The following LPCAT4 variants were observed in gnomAD, a reference collection of about 807,000 sequenced individuals.
LPCAT4 encodes the protein lysophosphatidylcholine acyltransferase 4.
In LPCAT4, 30 loss-of-function variants were observed where a neutral mutation model predicts 66.5. That is an observed-to-expected ratio of 0.45 (90% CI 0.34 to 0.61). The LOEUF (loss-of-function observed/expected upper bound fraction) is 0.61. Ranked by LOEUF, LPCAT4 falls within the 20% of genes least tolerant of loss-of-function variation. The pLI, the probability that LPCAT4 is intolerant of heterozygous loss-of-function variation, is 0.01. For synonymous variants in LPCAT4, 253 were observed against 262.1 expected, an observed-to-expected ratio of 0.97 and a Z score of 0.34; for missense variants, 557 against 656.7, an observed-to-expected ratio of 0.85 and a Z score of 1.66.
chr15:34,358,831 A>T lies in LPCAT4; in HGVS notation c.*296T>A, dbSNP rs1227620804. The stretch of plus-strand genomic sequence containing the variant: ...TATGGCCAAGAGGACGAACCTTGGA[A>T]ACATTTGTGATTTTCCAACGGGCGT... On this transcript the variant is annotated 3_prime_UTR_variant, in exon 14 of 14. Coordinates refer to ENST00000314891, the MANE Select transcript of LPCAT4 (RefSeq NM_153613.3). 1 of 158,146 alleles carries T rather than the reference A, an allele frequency of 6.3e-6. No individual in the cohort carries two copies. The highest frequency in any genetic ancestry group is 2.4e-5 in the African/African-American group (1 of 41,590). The allele number at this position is 158,146 out of a possible 1,614,324, so 9.8% of individuals were successfully genotyped here.
At position 34,359,715 on chromosome 15, in the gene LPCAT4, T is replaced by C; in HGVS notation, c.1273A>G (p.Asn425Asp). The C allele has an allele frequency of 6.2e-7, 1 of 1,613,556 alleles. No homozygotes were observed. The highest frequency in any genetic ancestry group is 1.1e-5 in the South Asian group (1 of 90,972). Reference sequence around the variant, plus strand: ...AAGCCGTCTTTGTACAGCAGGCGGTTGGGACCCTCTGCTTGCTCTTCAGCA... The same window carrying C: ...AAGCCGTCTTTGTACAGCAGGCGGTCGGGACCCTCTGCTTGCTCTTCAGCA... ...LFAEEQAEGP[N>D]RLLYKDGFST... is the part of the protein sequence containing the mutation. Residue 425 changes from asparagine (N) to aspartate (D), a missense_variant, in exon 13 of 14, where the codon AAC becomes GAC. By Grantham distance (23) the Asn-to-Asp change is conservative. Transcript: ENST00000314891.
chr15:34,364,847 C>G (rs1320030330), intron 3 of LPCAT4, 161 bp downstream of exon 3: 5 of 633,362 alleles, frequency 7.9e-6, no homozygotes, highest in African/African-American at 7.4e-5. Context: ...TGTCCCAGCC[C>G]TCAGAATCTA....
chr15:34,362,142 C>T (rs1281486437), intron 10 of LPCAT4, 54 bp downstream of exon 10: 3 of 1,523,604 alleles, frequency 2.0e-6, no homozygotes, highest in Non-Finnish European at 2.7e-6. Context: ...TTCTTATTCT[C>T]TCTCTCTCTC....
chr15:34,361,988 C>G (rs892938214), intron 10 of LPCAT4, among the ~76,000 whole-genome samples: 2 of 152,186 alleles, frequency 1.3e-5, no homozygotes, highest in African/African-American at 4.8e-5. Context: ...TGTGAGCCAC[C>G]GTGCCCGGCC....
In LPCAT4 at chr15:34,365,695, G is replaced by C. The variant is rs1891060206; in HGVS notation, c.121C>G (p.Leu41Val). 3 of 1,613,752 alleles carry C rather than the reference G, an allele frequency of 1.9e-6. No homozygotes were observed. The highest frequency in any genetic ancestry group is 1.7e-4 in the Middle Eastern group (1 of 5,824). The change falls in exon 2 of 14, where the codon CTC becomes GTC. Residue 41 changes from leucine to valine, a missense_variant. Around this residue, in one of 4 missense-constraint regions of LPCAT4, gnomAD observed 94 missense variants for 71.5 expected, o/e 1.32. Transcript: ENST00000314891. Reference protein sequence around the residue: ...LSRLQRVKFCLLGALLAPIRV... With the variant: ...LSRLQRVKFCVLGALLAPIRV... The stretch of plus-strand genomic sequence containing the variant: ...ATGGGGGCCAGCAATGCCCCCAGGA[G>C]GCAGAACTGCAAAGGGTGGGAGAGA...
intron 1 of LPCAT4, 156 bp downstream of exon 1, chr15:34,366,831 G>C: frequency 1.8e-6 from 2 of 1,127,710 alleles, no homozygotes; most frequent in South Asian, 2.9e-5. Context: ...TTGCCCAACC[G>C]CGGCCGCCCC....
intron 11 of LPCAT4, 74 bp from the exon 12 acceptor site, chr15:34,360,283 C>T (rs1890912903): frequency 1.7e-6 from 2 of 1,156,684 alleles, no homozygotes. Context: ...TTTGACTCCT[C>T]CCTCTTCTCA....
chr15:34,359,021 A>C lies in LPCAT4; in HGVS notation c.*106T>G, dbSNP rs1890876347. The C allele has an allele frequency of 1.1e-6, 1 of 939,496 alleles. No homozygotes were observed. Among genetic ancestry groups the C allele is most frequent in the East Asian group, 3.2e-5 (1 of 31,530 alleles). 58.2% of individuals were successfully genotyped at this position (939,496 alleles called of 1,614,324 possible). A position where few individuals can be genotyped will look rare whatever the true frequency, so the allele number is the denominator to read the frequency against. ...ATTAAAATCAACTTAAAAAAACAAC[A>C]ACCAAACAACAATAACAAAATTCAA... On this transcript the variant is annotated 3_prime_UTR_variant, in exon 14 of 14. Transcript: ENST00000314891.
chr15:34,362,599 G>A lies in LPCAT4; in HGVS notation c.858C>T (p.Ala286=). ...PEESRDPTLY[A]NNVQRVMAQA... ...GTGCCATGACCCTCTGAACATTGTT[G>A]GCATAGAGGGTGGGGTCCCTGCTCT... The change falls in exon 9 of 14, where the codon GCC becomes GCT. Residue 286 remains alanine, a synonymous_variant. Transcript: ENST00000314891. 1.3e-6 allele frequency: 2 copies of A among 1,563,172 alleles called. No individual in the cohort carries two copies. Among genetic ancestry groups the A allele is most frequent in the Non-Finnish European group, 1.7e-6 (2 of 1,154,258 alleles).
In LPCAT4 at chr15:34,363,736, C is replaced by A. The variant is rs746173497; in HGVS notation, c.653-17G>T. Reference sequence around the variant, plus strand: ...TGAAGGCTCCTAAATCCCATTTCCACCCCCACCCCCACAAGGCAGAGGTTA... The same window carrying A: ...TGAAGGCTCCTAAATCCCATTTCCAACCCCACCCCCACAAGGCAGAGGTTA... On this transcript the variant is annotated splice_polypyrimidine_tract_variant and intron_variant, in intron 5 of 13. Transcript: ENST00000314891. This position sits in a 1 kb window ranked among gnomAD's most constrained non-coding sequence, Gnocchi z 4.3. 1 of 1,613,856 alleles carries A rather than the reference C, an allele frequency of 6.2e-7. No individual in the cohort carries two copies. Among genetic ancestry groups the A allele is most frequent in the Admixed American group, 1.7e-5 (1 of 60,014 alleles).
chr15:34,361,984 C>A (rs1890955700), intron 10 of LPCAT4, among the ~76,000 whole-genome samples: 1 of 152,208 alleles, frequency 6.6e-6, no homozygotes, highest in Admixed American at 6.5e-5. Flanking sequence ...CAGGTGTGAG[C>A]CACCGTGCCC....
At chr15:34,365,474 GCT>G (rs1891054698) in intron 2 of LPCAT4, 83 bp downstream of exon 2, 16 of 1,560,462 alleles carry the variant, frequency 1.0e-5, no homozygotes, top group Non-Finnish European at 1.4e-5. Context: ...GTTTCAGAAT[GCT>G]CTCTTTTCTT....
In LPCAT4 at chr15:34,363,767, C is replaced by G; in HGVS notation, c.653-48G>C. On this transcript the variant is annotated intron_variant, in intron 5 of 13. Transcript: ENST00000314891. The surrounding 1 kb of genome is among the most constrained non-coding windows in gnomAD (Gnocchi z 4.3). ...CCCCCACAAGGCAGAGGTTAGTACACAGAAGTAGCTAGAGGGCATGAGGTA... is the reference window on the plus strand; with the variant it reads ...CCCCCACAAGGCAGAGGTTAGTACAGAGAAGTAGCTAGAGGGCATGAGGTA... 6.2e-7 allele frequency: 1 copy of G among 1,605,896 alleles called. No homozygotes were observed. The highest frequency in any genetic ancestry group is 1.7e-5 in the Admixed American group (1 of 59,992).
chr15:34,359,615 G>C lies in LPCAT4; in HGVS notation c.1373C>G (p.Ala458Gly). 6.2e-7 allele frequency: 1 copy of C among 1,612,930 alleles called. No individual in the cohort carries two copies. The highest frequency in any genetic ancestry group is 8.5e-7 in the Non-Finnish European group (1 of 1,179,990). Residue 458 changes from alanine to glycine, a missense_variant, in exon 13 of 14, where the codon GCA (alanine) becomes GGA (glycine). Physicochemically the swap from Ala to Gly is moderately conservative, Grantham distance 60. Coordinates refer to ENST00000314891, the MANE Select transcript of LPCAT4 (RefSeq NM_153613.3). Reference sequence around the variant, plus strand: ...GAGGGAGAGGCCTTGGCTGGATCCTGCCTGGCACAGCTCAGCATGCAAAGC... The same window carrying C: ...GAGGGAGAGGCCTTGGCTGGATCCTCCCTGGCACAGCTCAGCATGCAAAGC... ...ATALHAELCQ[A>G]GSSQGLSLCQ...
intron 10 of LPCAT4, 58 bp downstream of exon 10, chr15:34,362,138 T>TTCTCTCTCTCTC: frequency 3.4e-6 from 5 of 1,487,190 alleles, no homozygotes; most frequent in South Asian, 1.2e-5. Context: ...CCCCTTCTTA[T>TTCTCTCTCTCTC]TCTCTCTCTC....
At chr15:34,365,327 C>T in intron 2 of LPCAT4, 99 bp from the exon 3 acceptor site, 2 of 1,321,434 alleles carry the variant, frequency 1.5e-6, no homozygotes, top group East Asian at 5.0e-5. Flanking sequence ...CTCTTTTACC[C>T]TTAAATAGGA....
At chr15:34,364,411 C>CTTT (rs60508631) in intron 3 of LPCAT4, 105 bp from the exon 4 acceptor site, 54,740 of 548,242 alleles carry the variant, frequency 0.1, 1,904 homozygotes, top group African/African-American at 0.2. Context: ...TCTGTTATCT[C>CTTT]TTTTTTTTTT....
In LPCAT4 at chr15:34,367,036, G is replaced by T; in HGVS notation, c.65C>A (p.Pro22His). The T allele has an allele frequency of 6.4e-7, 1 of 1,564,434 alleles. No individual in the cohort carries two copies. Among genetic ancestry groups the T allele is most frequent in the East Asian group, 2.3e-5 (1 of 42,886 alleles). The change falls in exon 1 of 14, where the codon CCC becomes CAC. Residue 22 changes from proline (P) to histidine (H), a missense_variant. Pro to His is a moderately conservative substitution (Grantham distance 77). Around this residue, in one of 4 missense-constraint regions of LPCAT4, gnomAD observed 94 missense variants for 71.5 expected, o/e 1.32. Coordinates refer to ENST00000314891, the MANE Select transcript of LPCAT4 (RefSeq NM_153613.3). ...LDPTPGPPAS[P>H]NPFVHELHLS... is the part of the protein sequence containing the mutation. Reference sequence around the variant, plus strand: ...ATGTAACTCATGCACGAAGGGGTTGGGGGATGCTGGGGGTCCGGGGGTGGG... The same window carrying T: ...ATGTAACTCATGCACGAAGGGGTTGTGGGATGCTGGGGGTCCGGGGGTGGG...
Position 34,361,525 on chromosome 15 carries a change from C to A in LPCAT4, c.1018G>T (p.Ala340Ser). The A allele has an allele frequency of 1.2e-6, 2 of 1,613,506 alleles. No individual in the cohort carries two copies. Among genetic ancestry groups the A allele is most frequent in the South Asian group, 1.1e-5 (1 of 91,080 alleles). Residue 340 changes from alanine to serine, a missense_variant, in exon 11 of 14, where the codon GCT becomes TCT. Ala to Ser is a moderately conservative substitution (Grantham distance 99). Around this residue, in one of 4 missense-constraint regions of LPCAT4, gnomAD observed 392 missense variants for 473.9 expected, o/e 0.83. Transcript: ENST00000314891. The stretch of plus-strand genomic sequence containing the variant: ...TCTGCCCCAGCGTCCACATAGCCAG[C>A]GGACAGCCTACGATGGAATTGTTGA... The part of the protein sequence containing the change: ...GKVLRKAGLS[A>S]GYVDAGAEPG...
Sources: allele counts gnomAD v4.1 joint callset (sites outside exome capture counted in the v4.1 genomes callset), GRCh38; gene constraint gnomAD v4.1.1; regional missense constraint gnomAD v4.1.1; non-coding constraint Gnocchi (gnomAD v3.1); transcripts MANE v1.5; gene names NCBI Gene and HGNC (gene_info 2026-07-23, HGNC 2026-07-21).